PRKG1: variants seen among roughly 807,000 people sequenced by gnomAD.
PRKG1 encodes the protein protein kinase cGMP-dependent 1.
A neutral mutation model predicts 88.1 loss-of-function variants in PRKG1; 35 were observed. That is an observed-to-expected ratio of 0.40 (90% confidence interval 0.30 to 0.53). PRKG1 has a LOEUF of 0.53. Among genes scored for constraint, PRKG1 ranks in the 20% least tolerant of loss-of-function variants. PRKG1 has a pLI of 0.59. For missense variants in PRKG1, 540 were observed against 839.8 expected (o/e 0.64, Z 4.41); for synonymous variants, 303 against 292.5 (o/e 1.04, Z -0.37).
At chr10:51,438,278 G>C (rs952733233) in intron 2 of PRKG1, among the ~76,000 whole-genome samples, 3 of 151,608 alleles carry the variant, frequency 2.0e-5, no homozygotes, top group African/African-American at 7.3e-5. Flanking sequence ...TTACATTATG[G>C]TAATTTTTTA....
chr10:51,302,492 A>G (rs1840916439), intron 2 of PRKG1: 1 of 152,046 alleles, frequency 6.6e-6, no homozygotes, highest in African/African-American at 2.4e-5. Context: ...AAAAATATGA[A>G]TATCTTCAAT....
At chr10:51,218,820 T>C (rs1009918923) in intron 2 of PRKG1, among the ~76,000 whole-genome samples, 1 of 151,124 alleles carries the variant, frequency 6.6e-6, no homozygotes, top group South Asian at 2.1e-4. Flanking sequence ...TTAATATCAA[T>C]AAATATCAAA....
intron 2 of PRKG1, among the ~76,000 whole-genome samples, chr10:51,196,464 C>A (rs567793759): frequency 1.3e-5 from 2 of 152,126 alleles, no homozygotes; most frequent in South Asian, 4.1e-4. Context: ...ATTAGGGACA[C>A]AACACTAGAA....
chr10:52,272,370 T>C (rs756289339), intron 11 of PRKG1, 22 bp from the exon 12 acceptor site: 2 of 1,531,694 alleles, frequency 1.3e-6, no homozygotes, highest in Non-Finnish European at 9.0e-7. Context: ...ATAATCTTTG[T>C]TTTCTTGTTT....
intron 2 of PRKG1, among the ~76,000 whole-genome samples, chr10:51,211,732 T>A (rs1838226369): frequency 6.6e-6 from 1 of 152,058 alleles, no homozygotes; most frequent in African/African-American, 2.4e-5. Flanking sequence ...TCAAAGAGAA[T>A]AAAATACCTA....
chr10:51,652,079 C>T (rs1022026943), intron 3 of PRKG1, among the ~76,000 whole-genome samples: 14 of 152,068 alleles, frequency 9.2e-5, no homozygotes, highest in African/African-American at 3.4e-4. Context: ...AATTGAGTTT[C>T]TGCTGTTAGT....
chr10:51,699,583 C>T (rs1273640103), intron 3 of PRKG1: 4 of 1,579,208 alleles, frequency 2.5e-6, no homozygotes, highest in African/African-American at 2.7e-5. Context: ...ATAGCGGATT[C>T]TTCGAGGCGT....
At chr10:51,644,033 C>T (rs1839861222) in intron 3 of PRKG1, among the ~76,000 whole-genome samples, 1 of 152,076 alleles carries the variant, frequency 6.6e-6, no homozygotes, top group Non-Finnish European at 1.5e-5. Context: ...TAAAAGCATG[C>T]CTATCATATG....
intron 2 of PRKG1, among the ~76,000 whole-genome samples, chr10:51,261,069 A>G (rs2132159120): frequency 6.6e-6 from 1 of 152,330 alleles, no homozygotes; most frequent in Non-Finnish European, 1.5e-5. Flanking sequence ...AACCTTTTCC[A>G]AGCAAAGATA....
chr10:51,663,639 C>A (rs1201149531), intron 3 of PRKG1, among the ~76,000 whole-genome samples: 2 of 145,964 alleles, frequency 1.4e-5, no homozygotes, highest in Non-Finnish European at 3.0e-5. Flanking sequence ...ATCACTTGAG[C>A]GCAGAAGTTT....
At chr10:51,642,661 A>T (rs1303576456) in intron 3 of PRKG1, among the ~76,000 whole-genome samples, 2 of 152,212 alleles carry the variant, frequency 1.3e-5, no homozygotes, top group African/African-American at 4.8e-5. Context: ...AATCGTATAG[A>T]TAATATTTTG....
At chr10:51,292,835 C>T (rs1323544900) in intron 2 of PRKG1, among the ~76,000 whole-genome samples, 1 of 151,994 alleles carries the variant, frequency 6.6e-6, no homozygotes, top group East Asian at 1.9e-4. Context: ...AATTTTGTAC[C>T]AAACTCCTCT....
At chr10:50,995,825 A>C (rs1370024665) in intron 1 of PRKG1, among the ~76,000 whole-genome samples, 1 of 152,202 alleles carries the variant, frequency 6.6e-6, no homozygotes, top group Non-Finnish European at 1.5e-5. Flanking sequence ...CATTTGAGTT[A>C]TTCTTGTCAT....
intron 3 of PRKG1, among the ~76,000 whole-genome samples, chr10:51,657,862 C>T (rs1009811163): frequency 1.3e-5 from 2 of 152,102 alleles, no homozygotes; most frequent in African/African-American, 2.4e-5. Context: ...TATATCTTCC[C>T]TCTCATTGCT....
chr10:51,823,061 A>C (rs959360492), intron 4 of PRKG1, among the ~76,000 whole-genome samples: 13 of 152,274 alleles, frequency 8.5e-5, no homozygotes, highest in African/African-American at 3.1e-4. Flanking sequence ...TTAGAGGCTA[A>C]GACAGCTAAT....
intron 7 of PRKG1, among the ~76,000 whole-genome samples, chr10:52,109,106 G>A (rs972074661): frequency 1.3e-5 from 2 of 152,140 alleles, no homozygotes; most frequent in East Asian, 1.9e-4. Flanking sequence ...GATTACAGGT[G>A]TGAGCCACTG....
intron 2 of PRKG1, among the ~76,000 whole-genome samples, chr10:51,164,240 G>A (rs939071734): frequency 4.6e-5 from 7 of 152,270 alleles, no homozygotes; most frequent in East Asian, 1.9e-4. Flanking sequence ...CACGGTTCAC[G>A]AAAATCCGCT....
intron 2 of PRKG1, among the ~76,000 whole-genome samples, chr10:51,439,384 C>T (rs188974178): frequency 1.4e-3 from 206 of 151,960 alleles, no homozygotes; most frequent in Non-Finnish European, 2.4e-3. Flanking sequence ...CTCTGCCTCA[C>T]TGTAGATTCC....
intron 8 of PRKG1, among the ~76,000 whole-genome samples, chr10:52,138,346 G>A (rs1837484032): frequency 6.6e-6 from 1 of 152,136 alleles, no homozygotes; most frequent in Admixed American, 6.6e-5. Flanking sequence ...CTCTGATAAT[G>A]TCAAGCTAAA....
Sources: gnomAD v4.1 joint callset for allele counts (sites outside exome capture counted in the v4.1 genomes callset) on GRCh38, gnomAD v4.1.1 for gene constraint, MANE v1.5 for transcripts, NCBI Gene and HGNC (gene_info 2026-07-23, HGNC 2026-07-21) for gene names.